The following SRRM3 variants were observed in gnomAD, a reference collection of about 807,000 sequenced individuals.
The protein encoded by SRRM3 is serine/arginine repetitive matrix 3, also known as serine/arginine repetitive matrix protein 3.
A neutral mutation model predicts 66.2 loss-of-function variants in SRRM3; 27 were observed. That is an observed-to-expected ratio of 0.41 (90% confidence interval 0.30 to 0.56). The LOEUF (loss-of-function observed/expected upper bound fraction) is 0.56, where lower values mean the gene tolerates loss of function less well. SRRM3 is among the 20% of genes least tolerant of loss of function. The pLI, the probability that SRRM3 is intolerant of heterozygous loss-of-function variation, is 0.32. For missense variants in SRRM3, 918 were observed against 991.9 expected (o/e 0.93, Z 1.00); for synonymous variants, 391 against 414.9 (o/e 0.94, Z 0.70).
chr7:76,220,898 C>T (rs912489471), intron 1 of SRRM3, among the ~76,000 whole-genome samples: 3 of 152,146 alleles, frequency 2.0e-5, no homozygotes, highest in South Asian at 4.1e-4. Flanking sequence ...TCCCCTCCCC[C>T]CACCGCGTCT....
chr7:76,257,445 A>T (rs1405153025), intron 3 of SRRM3, among the ~76,000 whole-genome samples: 2 of 12,992 alleles, frequency 1.5e-4, no homozygotes, highest in Non-Finnish European at 4.5e-4. Flanking sequence ...TGTTCAATTA[A>T]AAAAAAAAAA....
At chr7:76,283,448 A>G in intron 14 of SRRM3, 1 of 490,024 alleles carries the variant, frequency 2.0e-6, no homozygotes, top group South Asian at 1.7e-5. Context: ...GAGTCCCGCC[A>G]TCCCTCCGGA....
Position 76,282,708 on chromosome 7 carries a change from C to T in SRRM3, c.1431C>T (p.His477=), listed in dbSNP as rs534191309. 93 of 1,422,540 alleles carry T rather than the reference C, an allele frequency of 6.5e-5. 1 individual carries two copies. The South Asian group carries it at 1.2e-3, about 18-fold the overall frequency. 88.1% of individuals were successfully genotyped at this position (1,422,540 alleles called of 1,614,324 possible). The change falls in exon 13 of 15, where the codon CAC becomes CAT. Residue 477 remains histidine (H), a synonymous_variant. Transcript: ENST00000611745. ...GCACCTCTCCGTCCCCGGGCGCGCA[C>T]GGCCGGCGCGGCGGCCCAGAAGGGA... ...PASTSPSPGA[H]GRRGGPEGKS... is the part of the protein sequence containing the mutation.
intron 1 of SRRM3, among the ~76,000 whole-genome samples, chr7:76,217,928 G>A (rs782355915): frequency 6.6e-6 from 1 of 152,162 alleles, no homozygotes; most frequent in Non-Finnish European, 1.5e-5. Context: ...CTTTGACTAA[G>A]GTCTGCAAAA....
chr7:76,236,171 G>A (rs539199935), intron 2 of SRRM3, among the ~76,000 whole-genome samples: 4 of 151,712 alleles, frequency 2.6e-5, no homozygotes, highest in South Asian at 4.2e-4. Flanking sequence ...TTAGCCTGGC[G>A]TAGTGGCACA....
intron 1 of SRRM3, among the ~76,000 whole-genome samples, chr7:76,233,975 G>C (rs1554604485): frequency 6.6e-6 from 1 of 151,980 alleles, no homozygotes; most frequent in African/African-American, 2.4e-5. Flanking sequence ...GAGAGGGGAG[G>C]GTGTGTTGGG....
chr7:76,278,580 C>G (rs573074350), intron 11 of SRRM3, among the ~76,000 whole-genome samples: 1 of 152,152 alleles, frequency 6.6e-6, no homozygotes, highest in East Asian at 1.9e-4. Flanking sequence ...TCAGGAGAGT[C>G]AGGGGTGCTC....
chr7:76,210,016 G>A (rs782389218), intron 1 of SRRM3, among the ~76,000 whole-genome samples: 23 of 152,214 alleles, frequency 1.5e-4, no homozygotes, highest in Non-Finnish European at 2.9e-4. Context: ...AATAGGGTAG[G>A]AGGCAGAGAG....
Position 76,285,836 on chromosome 7 carries a change from GCTT to G in SRRM3, c.1958_1960del (p.Phe653del). 6.5e-7 allele frequency: 1 copy of G among 1,549,140 alleles called. No individual in the cohort carries two copies. Among genetic ancestry groups the G allele is most frequent in the Non-Finnish European group, 8.7e-7 (1 of 1,146,060 alleles). Reference sequence around the variant, plus strand: ...AGCCGGAGCAGCTCTGAGAGCGGGGGCTTCTGAGCCCAGACAGACTCAGCTTGG... The same window carrying G: ...AGCCGGAGCAGCTCTGAGAGCGGGGGCTGAGCCCAGACAGACTCAGCTTGG... On this transcript the variant is annotated inframe_deletion, in exon 15 of 15. Transcript: ENST00000611745. This position sits in a 1 kb window ranked among gnomAD's most constrained non-coding sequence, Gnocchi z 4.1.
At chr7:76,278,919 GC>G (rs1802429367) in intron 11 of SRRM3, among the ~76,000 whole-genome samples, 4 of 152,168 alleles carry the variant, frequency 2.6e-5, no homozygotes, top group Admixed American at 2.6e-4. Flanking sequence ...GCGGCAAGGT[GC>G]CCTGAGAGGT....
At chr7:76,222,609 T>G (rs1554603323) in intron 1 of SRRM3, among the ~76,000 whole-genome samples, 2 of 151,814 alleles carry the variant, frequency 1.3e-5, no homozygotes, top group Non-Finnish European at 2.9e-5. Flanking sequence ...GCCCATGTTT[T>G]GTTTTGTTTT....
At chr7:76,204,306 G>C (rs1200114804) in intron 1 of SRRM3, among the ~76,000 whole-genome samples, 4 of 152,156 alleles carry the variant, frequency 2.6e-5, no homozygotes, top group Non-Finnish European at 5.9e-5. Flanking sequence ...GGGGAGGTTA[G>C]AGAAGCCCAG....
chr7:76,271,228 G>A (rs1180350038), intron 11 of SRRM3, among the ~76,000 whole-genome samples: 1 of 152,094 alleles, frequency 6.6e-6, no homozygotes, highest in Non-Finnish European at 1.5e-5. Flanking sequence ...CAGCACTTTG[G>A]GAGGCTGAGG....
intron 2 of SRRM3, among the ~76,000 whole-genome samples, chr7:76,240,252 C>A (rs1055651132): frequency 6.6e-6 from 1 of 151,810 alleles, no homozygotes; most frequent in Non-Finnish European, 1.5e-5. Flanking sequence ...GGGAGGCTGA[C>A]GTGAGAGAAT....
intron 2 of SRRM3, 23 bp downstream of exon 2, chr7:76,235,322 C>A: frequency 7.3e-7 from 1 of 1,370,880 alleles, no homozygotes; most frequent in South Asian, 1.3e-5. Flanking sequence ...CGGGGCGGGA[C>A]TGGGGTGGGG....
intron 11 of SRRM3, among the ~76,000 whole-genome samples, chr7:76,276,348 C>T (rs1328183776): frequency 6.6e-6 from 1 of 152,124 alleles, no homozygotes; most frequent in Non-Finnish European, 1.5e-5. Context: ...CGGACGAAGA[C>T]CACTGAGCAT....
intron 1 of SRRM3, 196 bp from the exon 2 acceptor site, chr7:76,234,832 A>T: frequency 3.8e-6 from 2 of 528,172 alleles, no homozygotes; most frequent in Non-Finnish European, 3.3e-6. Context: ...GAAAAAGCCC[A>T]GTGTCCAACC....
chr7:76,266,234 T>TATATATAAATATTTATATATTTA (rs1554609587), intron 10 of SRRM3, among the ~76,000 whole-genome samples: 1 of 119,978 alleles, frequency 8.3e-6, no homozygotes, highest in African/African-American at 3.5e-5. Flanking sequence ...ATATATTTAA[T>TATATATAAATATTTATATATTTA]ATATATAAAT....
chr7:76,210,791 C>T (rs1414643014), intron 1 of SRRM3, among the ~76,000 whole-genome samples: 1 of 151,770 alleles, frequency 6.6e-6, no homozygotes, highest in Non-Finnish European at 1.5e-5. Flanking sequence ...GTCCTTGAGC[C>T]CCAGCAGCCC....
Sources: allele counts gnomAD v4.1 joint callset (sites outside exome capture counted in the v4.1 genomes callset), GRCh38; gene constraint gnomAD v4.1.1; non-coding constraint Gnocchi (gnomAD v3.1); transcripts MANE v1.5; gene names NCBI Gene and HGNC (gene_info 2026-07-23, HGNC 2026-07-21).